KAZN: variants seen among roughly 807,000 people sequenced by gnomAD.
KAZN encodes the protein kazrin, periplakin interacting protein, also known as kazrin.
KAZN carries 40 observed loss-of-function variants against 87.4 expected under a neutral mutation model. The observed-to-expected ratio is 0.46, with a 90% CI of 0.36 to 0.60. The LOEUF is 0.60. KAZN is among the 20% of genes least tolerant of loss of function. The probability of loss-of-function intolerance (pLI) is 0.00; values close to 1 mark genes in which losing one functional copy is unlikely to be tolerated. For missense variants in KAZN, 898 were observed against 1,073.9 expected, an observed-to-expected ratio of 0.84 and a Z score of 2.29; for synonymous variants, 466 against 458.3, an observed-to-expected ratio of 1.02 and a Z score of -0.22.
At chr1:14,919,437 G>A (rs958239007) in intron 1 of KAZN, among the ~76,000 whole-genome samples, 16 of 152,154 alleles carry the variant, frequency 1.1e-4, no homozygotes, top group African/African-American at 3.4e-4. Context: ...TTGGCCTCCC[G>A]AAGTGCTGGG....
intron 2 of KAZN, among the ~76,000 whole-genome samples, chr1:14,460,460 C>A (rs1667799158): frequency 6.6e-6 from 1 of 152,252 alleles, no homozygotes; most frequent in Non-Finnish European, 1.5e-5. Flanking sequence ...GTTGGCTTCT[C>A]TCTCTGGTTC....
intron 1 of KAZN, among the ~76,000 whole-genome samples, chr1:14,130,867 G>A (rs2101733204): frequency 9.0e-6 from 1 of 110,544 alleles, no homozygotes; most frequent in East Asian, 3.1e-4. Context: ...AGATGGCAGG[G>A]GAAACAATGA....
chr1:14,628,940 G>T (rs1247920334), intron 1 of KAZN, among the ~76,000 whole-genome samples: 2 of 151,178 alleles, frequency 1.3e-5, no homozygotes, highest in African/African-American at 2.4e-5. Context: ...TCTGTCTCCC[G>T]GGTTCAAGCA....
intron 2 of KAZN, among the ~76,000 whole-genome samples, chr1:14,555,878 A>G (rs1395372509): frequency 6.6e-6 from 1 of 152,190 alleles, no homozygotes; most frequent in African/African-American, 2.4e-5. Context: ...CCCCTTACTT[A>G]TGATGTATTA....
chr1:15,089,583 A>G (rs1018846807), intron 8 of KAZN, among the ~76,000 whole-genome samples: 12 of 152,204 alleles, frequency 7.9e-5, no homozygotes, highest in African/African-American at 2.7e-4. Flanking sequence ...GCCTACTGTC[A>G]GCCTGAAAAA....
At position 15,066,575 on chromosome 1, in the gene KAZN, AAG is replaced by A; in HGVS notation, c.1222+824_1222+825del. 1 of 984,662 alleles carries A rather than the reference AAG, an allele frequency of 1.0e-6. No homozygotes were observed. The highest frequency in any genetic ancestry group is 1.7e-5 in the African/African-American group (1 of 57,300). 61.0% of individuals were successfully genotyped at this position (984,662 alleles called of 1,614,324 possible). A position where few individuals can be genotyped will look rare whatever the true frequency, so the allele number is the denominator to read the frequency against. Reference sequence around the variant, plus strand: ...CTTTCTTTATGAAAAAAAAGAAAAAAAGAAAATTGTTTCATTTAATTTATTTG... The same window carrying A: ...CTTTCTTTATGAAAAAAAAGAAAAAAAAAATTGTTTCATTTAATTTATTTG... On this transcript the variant is annotated intron_variant, in intron 8 of 14. Coordinates refer to ENST00000376030, the MANE Select transcript of KAZN (RefSeq NM_201628.3). The surrounding 1 kb of genome is among the most constrained non-coding windows in gnomAD (Gnocchi z 4.3).
chr1:14,568,258 C>G (rs1006536555), intron 2 of KAZN, among the ~76,000 whole-genome samples: 1 of 152,146 alleles, frequency 6.6e-6, no homozygotes, highest in Non-Finnish European at 1.5e-5. Context: ...GACAAGTGAC[C>G]TTTAGGGGCT....
At chr1:14,875,973 CT>C (rs1652725919) in intron 1 of KAZN, among the ~76,000 whole-genome samples, 1 of 152,242 alleles carries the variant, frequency 6.6e-6, no homozygotes, top group South Asian at 2.1e-4. Context: ...TTGACACCCC[CT>C]GCTTCAAGCT....
intron 2 of KAZN, among the ~76,000 whole-genome samples, chr1:14,567,348 A>T (rs1036369622): frequency 1.3e-5 from 2 of 152,210 alleles, no homozygotes; most frequent in African/African-American, 4.8e-5. Context: ...ACCCCAAAAC[A>T]ATTATAATAG....
rs148814566 is a variant in KAZN, at chr1:14,860,953, G to A, written c.227-99731G>A. Among the ~76,000 whole-genome samples the A allele has an allele frequency of 5.3e-5, 8 of 152,286 alleles. No individual in the cohort carries two copies. The East Asian group carries it at 1.2e-3, about 22-fold the overall frequency. On this transcript the variant is annotated intron_variant, in intron 1 of 14. Transcript: ENST00000376030. ...TCAGATTCGAGTGGCTAAGCGTTTC[G>A]CCTTCACTTGGTTCTCTTGTCTCTT...
intron 1 of KAZN, among the ~76,000 whole-genome samples, chr1:14,745,109 G>A (rs1054755354): frequency 4.6e-5 from 7 of 152,092 alleles, no homozygotes; most frequent in Non-Finnish European, 8.8e-5. Flanking sequence ...CAAAAGGTCT[G>A]GCCAAAAATC....
chr1:14,104,216 C>T (rs924039982), intron 1 of KAZN, among the ~76,000 whole-genome samples: 4 of 152,176 alleles, frequency 2.6e-5, no homozygotes, highest in African/African-American at 9.6e-5. Context: ...TGCGTCTCTC[C>T]TTCTTGTGCC....
chr1:14,338,275 A>T (rs1168630586), intron 2 of KAZN, among the ~76,000 whole-genome samples: 2 of 151,748 alleles, frequency 1.3e-5, no homozygotes, highest in East Asian at 3.9e-4. Flanking sequence ...GGAGCTTGAG[A>T]CTAGCCTGGC....
chr1:13,943,156 G>A (rs1641001975), intron 1 of KAZN, among the ~76,000 whole-genome samples: 1 of 152,300 alleles, frequency 6.6e-6, no homozygotes, highest in South Asian at 2.1e-4. Flanking sequence ...GAAGACTACT[G>A]TAGGCAGATC....
At chr1:14,945,595 G>A (rs1196447722) in intron 1 of KAZN, among the ~76,000 whole-genome samples, 1 of 152,228 alleles carries the variant, frequency 6.6e-6, no homozygotes, top group Admixed American at 6.5e-5. Context: ...CCGGTGGGGA[G>A]AGCCTCAAAC....
chr1:14,545,919 A>G (rs953666618), intron 2 of KAZN, among the ~76,000 whole-genome samples: 1 of 152,178 alleles, frequency 6.6e-6, no homozygotes, highest in Non-Finnish European at 1.5e-5. Flanking sequence ...AGCCCCACTG[A>G]GACAGGGAAG....
At chr1:14,481,405 T>C (rs1382239459) in intron 2 of KAZN, among the ~76,000 whole-genome samples, 1 of 145,782 alleles carries the variant, frequency 6.9e-6, no homozygotes, top group East Asian at 2.1e-4. Flanking sequence ...AGTAGCTCAG[T>C]GTTAGGGCCA....
intron 2 of KAZN, among the ~76,000 whole-genome samples, chr1:14,475,981 G>A (rs1025559010): frequency 6.6e-6 from 1 of 152,160 alleles, no homozygotes; most frequent in Admixed American, 6.5e-5. Context: ...AGACAATAAT[G>A]AGGTTATCAT....
At chr1:13,935,670 C>T (rs1640701563) in intron 1 of KAZN, among the ~76,000 whole-genome samples, 1 of 152,160 alleles carries the variant, frequency 6.6e-6, no homozygotes, top group Admixed American at 6.6e-5. Flanking sequence ...TGTGTAGTTG[C>T]ATCTTGAATT....
Sources: gnomAD v4.1 joint callset for allele counts (sites outside exome capture counted in the v4.1 genomes callset) on GRCh38, gnomAD v4.1.1 for gene constraint, Gnocchi (gnomAD v3.1) non-coding constraint, MANE v1.5 for transcripts, NCBI Gene and HGNC (gene_info 2026-07-23, HGNC 2026-07-21) for gene names.